The following EYA3 variants were observed in gnomAD, a reference collection of about 807,000 sequenced individuals.
EYA3 encodes protein phosphatase EYA3.
Under a neutral mutation model 80.0 loss-of-function variants are expected in EYA3, and 39 were observed. That is an observed-to-expected ratio of 0.49 (90% CI 0.38 to 0.64). The LOEUF (loss-of-function observed/expected upper bound fraction) is 0.64. Among genes scored for constraint, EYA3 ranks in the 30% least tolerant of loss-of-function variants. The pLI, the probability that EYA3 is intolerant of heterozygous loss-of-function variation, is 0.00. For synonymous variants in EYA3, 206 were observed against 232.8 expected (o/e 0.88, Z 1.05); for missense variants, 523 against 676.1 (o/e 0.77, Z 2.51).
intron 1 of EYA3, among the ~76,000 whole-genome samples, chr1:28,068,502 T>C (rs1311881896): frequency 6.6e-6 from 1 of 152,096 alleles, no homozygotes; most frequent in African/African-American, 2.4e-5. Context: ...TCTTTTTCAA[T>C]GTATGGATTG....
intron 16 of EYA3, among the ~76,000 whole-genome samples, chr1:27,982,742 T>C (rs1036402707): frequency 1.3e-5 from 2 of 152,036 alleles, no homozygotes; most frequent in Non-Finnish European, 2.9e-5. Flanking sequence ...CACACCACCA[T>C]GCCCAGCTAA....
chr1:28,013,307 G>A lies in EYA3; in HGVS notation c.586-13C>T. 1 of 1,591,204 alleles carries A rather than the reference G, an allele frequency of 6.3e-7. No individual in the cohort carries two copies. Among genetic ancestry groups the A allele is most frequent in the East Asian group, 2.2e-5 (1 of 44,496 alleles). On this transcript the variant is annotated splice_polypyrimidine_tract_variant and intron_variant, in intron 8 of 17. Transcript: ENST00000373871. The surrounding 1 kb of genome is among the most constrained non-coding windows in gnomAD (Gnocchi z 4.0). ...AGGTGGGATAATCCTGCAGGCCAAA[G>A]GAAATAAGAAAACAAGACTCTTATA...
At chr1:28,065,726 T>G (rs1644813219) in intron 1 of EYA3, among the ~76,000 whole-genome samples, 2 of 150,144 alleles carry the variant, frequency 1.3e-5, no homozygotes, top group Admixed American at 6.7e-5. Context: ...TTACTCAGGC[T>G]GGGTGCAGTG....
chr1:28,009,637 C>CAAAACA lies in EYA3; in HGVS notation c.909+1304_909+1309dup, dbSNP rs1482740840. Among the ~76,000 whole-genome samples the CAAAACA allele has an allele frequency of 3.4e-5, 4 of 117,128 alleles. No individual in the cohort carries two copies. Among genetic ancestry groups the CAAAACA allele is most frequent in the African/African-American group, 1.2e-4 (4 of 33,428 alleles). 76.8% of individuals were successfully genotyped at this position (117,128 alleles called of 152,430 possible). A position where few individuals can be genotyped will look rare whatever the true frequency, so the allele number is the denominator to read the frequency against. ...TGCACTCCAGCCTGAGACTCCATCT[C>CAAAACA]AAAACAACAACAACAACAACAACAA... On this transcript the variant is annotated intron_variant, in intron 10 of 17. Transcript: ENST00000373871. This position sits in a 1 kb window ranked among gnomAD's most constrained non-coding sequence, Gnocchi z 4.8.
At chr1:28,077,263 C>A (rs940773105) in intron 1 of EYA3, among the ~76,000 whole-genome samples, 3 of 151,712 alleles carry the variant, frequency 2.0e-5, no homozygotes, top group Non-Finnish European at 1.5e-5. Context: ...ATGACCATAC[C>A]CAGCTAAGTT....
intron 1 of EYA3, among the ~76,000 whole-genome samples, chr1:28,076,787 C>G (rs1645226572): frequency 7.5e-6 from 1 of 133,938 alleles, no homozygotes; most frequent in Admixed American, 8.1e-5. Context: ...ATTGCCCAGG[C>G]TGGAGTGCGA....
chr1:28,069,591 A>G, intron 1 of EYA3, among the ~76,000 whole-genome samples: 2 of 140,416 alleles, frequency 1.4e-5, no homozygotes, highest in African/African-American at 2.6e-5. Flanking sequence ...AAAAAAAAAG[A>G]GGGTGGGAGG....
At chr1:28,034,020 C>A (rs903628329) in intron 6 of EYA3, among the ~76,000 whole-genome samples, 7 of 151,720 alleles carry the variant, frequency 4.6e-5, no homozygotes, top group Non-Finnish European at 1.0e-4. Context: ...ATGGTGAAAC[C>A]CTGTCTCTAC....
chr1:28,013,172 T>C lies in EYA3; in HGVS notation c.708A>G (p.Thr236=), dbSNP rs938417705. 48 of 1,614,016 alleles carry C rather than the reference T, an allele frequency of 3.0e-5. No individual in the cohort carries two copies. The highest frequency in any genetic ancestry group is 3.9e-5 in the Non-Finnish European group (46 of 1,180,000). ...DAESTTLAAT[T]YQSEKPSVMA... ...TGACACTAGGCTTCTCCGACTGGTATGTGGTTGCTGCTAATGTGGTGCTCT... is the reference window on the plus strand; with the variant it reads ...TGACACTAGGCTTCTCCGACTGGTACGTGGTTGCTGCTAATGTGGTGCTCT... Residue 236 remains threonine (T), a synonymous_variant, in exon 9 of 18, where the codon ACA becomes ACG. Coordinates refer to ENST00000373871, the MANE Select transcript of EYA3 (RefSeq NM_001990.4). This position sits in a 1 kb window ranked among gnomAD's most constrained non-coding sequence, Gnocchi z 4.0.
In EYA3 at chr1:28,000,011, T is replaced by A; in HGVS notation, c.1032A>T (p.Glu344Asp). 6.2e-7 allele frequency: 1 copy of A among 1,611,370 alleles called. No homozygotes were observed. Among genetic ancestry groups the A allele is most frequent in the Non-Finnish European group, 8.5e-7 (1 of 1,178,850 alleles). ...TATCAGCCACTTCAAAAATCATTTCTTCCATTGTTAAACCTGAGCCAATCA... is the reference window on the plus strand; with the variant it reads ...TATCAGCCACTTCAAAAATCATTTCATCCATTGTTAAACCTGAGCCAATCA... ...TVVIGSGLTMEEMIFEVADTH... is the reference protein window; with the variant it reads ...TVVIGSGLTMDEMIFEVADTH... The change falls in exon 12 of 18, where the codon GAA becomes GAT. Residue 344 changes from glutamate to aspartate, a missense_variant. Physicochemically the swap from Glu to Asp is conservative, Grantham distance 45. This residue lies in a region of EYA3 where 219 missense variants were observed against 332.8 expected (regional missense o/e 0.66). Coordinates refer to ENST00000373871, the MANE Select transcript of EYA3 (RefSeq NM_001990.4).
intron 10 of EYA3, among the ~76,000 whole-genome samples, chr1:28,006,391 T>C: frequency 6.6e-6 from 1 of 152,100 alleles, no homozygotes; most frequent in African/African-American, 2.4e-5. Flanking sequence ...ATGTTATCAA[T>C]ATGATAAAGG....
chr1:28,002,213 C>A (rs1251219497), intron 11 of EYA3, among the ~76,000 whole-genome samples: 1 of 152,012 alleles, frequency 6.6e-6, no homozygotes, highest in Non-Finnish European at 1.5e-5. Flanking sequence ...CCGCACCCGG[C>A]AATTTTTGTA....
At chr1:27,982,131 T>C (rs2790724) in intron 16 of EYA3, among the ~76,000 whole-genome samples, 146,274 of 151,834 alleles carry the variant, frequency 0.96, 70,651 homozygotes, top group East Asian at 1. Flanking sequence ...CTCAGCCTCC[T>C]AAGTAGCCAG....
intron 1 of EYA3, among the ~76,000 whole-genome samples, chr1:28,065,274 T>G (rs985316416): frequency 4.6e-5 from 7 of 152,016 alleles, no homozygotes; most frequent in African/African-American, 1.7e-4. Flanking sequence ...TTACCATAGA[T>G]TTTTTTTCTT....
intron 7 of EYA3, among the ~76,000 whole-genome samples, chr1:28,026,251 A>C (rs1642777483): frequency 6.6e-6 from 1 of 152,232 alleles, no homozygotes; most frequent in African/African-American, 2.4e-5. Flanking sequence ...GTAAGTTATC[A>C]GATATACCTG....
intron 8 of EYA3, among the ~76,000 whole-genome samples, chr1:28,015,882 G>C (rs979534302): frequency 6.6e-6 from 1 of 152,136 alleles, no homozygotes; most frequent in African/African-American, 2.4e-5. Flanking sequence ...TAAGAAGTCA[G>C]GGAAAAGTGG....
intron 5 of EYA3, among the ~76,000 whole-genome samples, chr1:28,038,202 C>A (rs550326732): frequency 6.6e-6 from 1 of 151,866 alleles, no homozygotes; most frequent in Non-Finnish European, 1.5e-5. Flanking sequence ...CAGCACTTTG[C>A]GAGGTAGGCA....
intron 3 of EYA3, 48 bp from the exon 4 acceptor site, chr1:28,042,698 T>C (rs1354349796): frequency 3.3e-6 from 5 of 1,496,512 alleles, no homozygotes; most frequent in Non-Finnish European, 4.7e-6. Context: ...ATTTGCTGCA[T>C]TGCTAAAAAG....
rs148584287 is a variant in EYA3 at position 27,999,970 on chromosome 1, T to C, written c.1073A>G (p.Asn358Ser). ...ATTTAAAATGCTTACCTCTAAGTCATTGAAAAATAGATGAGTATCAGCCAC... is the reference window on the plus strand; with the variant it reads ...ATTTAAAATGCTTACCTCTAAGTCACTGAAAAATAGATGAGTATCAGCCAC... Reference protein sequence around the residue: ...FEVADTHLFFNDLEECDQVHV... With the variant: ...FEVADTHLFFSDLEECDQVHV... The change falls in exon 12 of 18, where the codon AAT becomes AGT. Residue 358 changes from asparagine (N) to serine (S), a missense_variant. Asn to Ser is a conservative substitution (Grantham distance 46, BLOSUM62 1). This residue lies in a region of EYA3 where 219 missense variants were observed against 332.8 expected (regional missense o/e 0.66). Coordinates refer to ENST00000373871, the MANE Select transcript of EYA3 (RefSeq NM_001990.4). 60 of 1,606,994 alleles carry C rather than the reference T, an allele frequency of 3.7e-5. No individual in the cohort carries two copies. Among genetic ancestry groups the C allele is most frequent in the South Asian group, 1.3e-4 (12 of 89,584 alleles).
Sources: gnomAD v4.1 joint callset for allele counts (sites outside exome capture counted in the v4.1 genomes callset) on GRCh38, gnomAD v4.1.1 for gene constraint, gnomAD v4.1.1 regional missense constraint, Gnocchi (gnomAD v3.1) non-coding constraint, MANE v1.5 for transcripts, NCBI Gene and HGNC (gene_info 2026-07-23, HGNC 2026-07-21) for gene names.